Variants in CSPP1 observed in about 807,000 individuals in gnomAD.
The protein encoded by CSPP1 is centrosome and spindle pole associated protein 1.
Under a neutral mutation model 164.4 loss-of-function variants are expected in CSPP1, and 126 were observed. That is an observed-to-expected ratio of 0.77 (90% CI 0.66 to 0.89). CSPP1 has a LOEUF of 0.89. Among genes scored for constraint, CSPP1 ranks in the 40% least tolerant of loss-of-function variants. CSPP1 has a pLI of 0.00. For missense variants in CSPP1, 1,395 were observed against 1,449.8 expected, an observed-to-expected ratio of 0.96 and a Z score of 0.61; for synonymous variants, 472 against 476.7, an observed-to-expected ratio of 0.99 and a Z score of 0.13.
chr8:67,162,351 G>C (rs1191783168), intron 22 of CSPP1, among the ~76,000 whole-genome samples: 2 of 152,300 alleles, frequency 1.3e-5, no homozygotes, highest in Admixed American at 6.5e-5. Flanking sequence ...TCCATGGTGT[G>C]GTCTGGCCTG....
intron 3 of CSPP1, among the ~76,000 whole-genome samples, chr8:67,084,600 G>A (rs1490655439): frequency 6.6e-6 from 1 of 151,968 alleles, no homozygotes; most frequent in Non-Finnish European, 1.5e-5. Flanking sequence ...TTGGCCAGGC[G>A]TGGTGGTGCA....
intron 17 of CSPP1, among the ~76,000 whole-genome samples, chr8:67,148,305 G>A (rs1196619674): frequency 6.6e-6 from 1 of 152,144 alleles, no homozygotes; most frequent in Admixed American, 6.5e-5. Context: ...ATTGACATGT[G>A]TTTTAGGATA....
intron 16 of CSPP1, 87 bp downstream of exon 16, chr8:67,132,167 GA>G (rs1211731809): frequency 3.5e-5 from 44 of 1,268,338 alleles, no homozygotes; most frequent in South Asian, 6.8e-5. Flanking sequence ...CCGGGGAGGG[GA>G]AAAAAAACAG....
Position 67,137,514 on chromosome 8 carries a change from C to G in CSPP1, c.1886C>G (p.Ala629Gly). ...KEREEKEEYE[A>G]KLEAEMRTYN... ...CGTGAAGAAAAAGAAGAATATGAAG[C>G]TAAATTAGAAGCTGAAATGAGAACA... The change falls in exon 17 of 31, where the codon GCT becomes GGT. Residue 629 changes from alanine to glycine, a missense_variant. Coordinates refer to ENST00000678616, the MANE Select transcript of CSPP1 (RefSeq NM_001382391.1). 6.3e-7 allele frequency: 1 copy of G among 1,582,732 alleles called. No individual in the cohort carries two copies. The highest frequency in any genetic ancestry group is 2.3e-5 in the East Asian group (1 of 44,014).
intron 17 of CSPP1, among the ~76,000 whole-genome samples, chr8:67,141,950 C>T (rs1823600207): frequency 6.6e-6 from 1 of 152,172 alleles, no homozygotes; most frequent in East Asian, 1.9e-4. Flanking sequence ...TTTCTAATTA[C>T]TCCTGTTCTT....
At chr8:67,083,531 CAAA>C (rs1171275894) in intron 3 of CSPP1, among the ~76,000 whole-genome samples, 16 of 71,856 alleles carry the variant, frequency 2.2e-4, no homozygotes, top group African/African-American at 6.4e-4. Context: ...GACTTTGTCT[CAAA>C]AAAAAAAAAA....
chr8:67,091,663 T>C lies in CSPP1; in HGVS notation c.304-140T>C, dbSNP rs1327426881. 6 of 278,188 alleles carry C rather than the reference T, an allele frequency of 2.2e-5. No homozygotes were observed. In the East Asian group the frequency reaches 8.0e-4, roughly 37 times the overall value. The allele number at this position is 278,188 out of a possible 1,614,324, so 17.2% of individuals were successfully genotyped here. ...TGGTATGGTCTATATAGATTTGTAGTTTCTGTCTTCATTCCATTTCATTCA... is the reference window on the plus strand; with the variant it reads ...TGGTATGGTCTATATAGATTTGTAGCTTCTGTCTTCATTCCATTTCATTCA... On this transcript the variant is annotated intron_variant, in intron 4 of 30. Coordinates refer to ENST00000678616, the MANE Select transcript of CSPP1 (RefSeq NM_001382391.1).
At chr8:67,158,725 C>T in intron 20 of CSPP1, 129 bp downstream of exon 20, 2 of 1,198,826 alleles carry the variant, frequency 1.7e-6, no homozygotes, top group African/African-American at 1.5e-5. Context: ...GATCAATATA[C>T]ATTCTTTGGA....
chr8:67,095,527 G>A lies in CSPP1; in HGVS notation c.718G>A (p.Gly240Ser). The change falls in exon 7 of 31, where the codon GGC (glycine) becomes AGC (serine). Residue 240 changes from glycine to serine, a missense_variant. Transcript: ENST00000678616. The stretch of plus-strand genomic sequence containing the variant: ...TATTAAAAAAGCAAATGAAGAAGTG[G>A]GCATTTCCAACCTAAAACATCAAAG... ...RIIKKANEEV[G>S]ISNLKHQRFA... 2 of 1,613,502 alleles carry A rather than the reference G, an allele frequency of 1.2e-6. No individual in the cohort carries two copies. The highest frequency in any genetic ancestry group is 1.7e-4 in the Middle Eastern group (1 of 6,056).
rs988655476 is a variant in CSPP1, at chr8:67,064,422, C to T, written c.-127C>T. ...TCATGCTGTTCCCGCTCCAGGTGGC[C>T]GCTGTAACCTCTTCGGTCCGCGACG... On this transcript the variant is annotated 5_prime_UTR_variant, in exon 1 of 31. Transcript: ENST00000678616. The T allele has an allele frequency of 1.9e-6, 3 of 1,613,862 alleles. No individual in the cohort carries two copies. The highest frequency in any genetic ancestry group is 1.7e-5 in the Admixed American group (1 of 60,026).
In CSPP1 at chr8:67,195,645, A is replaced by G. The variant is rs1476244919; in HGVS notation, c.*52A>G. The stretch of plus-strand genomic sequence containing the variant: ...GCCTTTTAAGGTGAAAGGAATGGTA[A>G]ATCTGTACCTTTAATATGTCCTACT... On this transcript the variant is annotated 3_prime_UTR_variant, in exon 31 of 31. Coordinates refer to ENST00000678616, the MANE Select transcript of CSPP1 (RefSeq NM_001382391.1). 2.7e-6 allele frequency: 4 copies of G among 1,489,186 alleles called. No homozygotes were observed. Among genetic ancestry groups the G allele is most frequent in the East Asian group, 2.3e-5 (1 of 43,418 alleles). 92.2% of individuals were successfully genotyped at this position (1,489,186 alleles called of 1,614,324 possible).
Position 67,190,636 on chromosome 8 carries a change from C to T in CSPP1, c.3221-14C>T, listed in dbSNP as rs202201525. 6.9e-6 allele frequency: 11 copies of T among 1,596,486 alleles called. No individual in the cohort carries two copies. The highest frequency in any genetic ancestry group is 6.7e-5 in the Admixed American group (4 of 59,976). Reference sequence around the variant, plus strand: ...CAGTATTAAGACTCCTTCTGCTTTTCGGGGTCCTCTTAGGGGCTTACGGTG... The same window carrying T: ...CAGTATTAAGACTCCTTCTGCTTTTTGGGGTCCTCTTAGGGGCTTACGGTG... On this transcript the variant is annotated splice_polypyrimidine_tract_variant and intron_variant, in intron 28 of 30. Transcript: ENST00000678616.
At chr8:67,170,843 G>A (rs967239657) in intron 24 of CSPP1, among the ~76,000 whole-genome samples, 1 of 152,010 alleles carries the variant, frequency 6.6e-6, no homozygotes, top group Non-Finnish European at 1.5e-5. Flanking sequence ...CTGGAGTGCA[G>A]TTGCACTATC....
At chr8:67,168,829 A>C (rs1458271551) in intron 24 of CSPP1, among the ~76,000 whole-genome samples, 1 of 152,242 alleles carries the variant, frequency 6.6e-6, no homozygotes, top group Admixed American at 6.5e-5. Context: ...CCTACTTCCT[A>C]ACTTATCAGT....
At chr8:67,067,351 G>C (rs775244782) in intron 1 of CSPP1, among the ~76,000 whole-genome samples, 5 of 152,198 alleles carry the variant, frequency 3.3e-5, no homozygotes, top group Non-Finnish European at 7.3e-5. Context: ...AAGAGCCAAA[G>C]GTTAAGGTTT....
chr8:67,159,125 G>C lies in CSPP1; in HGVS notation c.2526G>C (p.Gly842=). Residue 842 remains glycine (G), a synonymous_variant, in exon 21 of 31, where the codon GGG becomes GGC. Transcript: ENST00000678616. ...QHYCERDNLI[G]EETKHMRQPS... ...ACTGTGAAAGAGACAATTTGATTGGGGAAGAAACAAAGGTAAGTTTCAGAC... is the reference window on the plus strand; with the variant it reads ...ACTGTGAAAGAGACAATTTGATTGGCGAAGAAACAAAGGTAAGTTTCAGAC... The C allele has an allele frequency of 6.3e-7, 1 of 1,597,080 alleles. No homozygotes were observed. The highest frequency in any genetic ancestry group is 8.5e-7 in the Non-Finnish European group (1 of 1,175,590).
intron 8 of CSPP1, among the ~76,000 whole-genome samples, chr8:67,104,266 T>TA (rs1814869296): frequency 1.3e-5 from 2 of 152,020 alleles, no homozygotes; most frequent in Non-Finnish European, 1.5e-5. Context: ...AAAGGTTTTT[T>TA]TTTTTTTTTC....
chr8:67,073,254 G>A (rs2129541123), intron 1 of CSPP1, among the ~76,000 whole-genome samples: 1 of 152,246 alleles, frequency 6.6e-6, no homozygotes, highest in South Asian at 2.1e-4. Flanking sequence ...TCACTAACAA[G>A]GGGCAGGTAA....
rs1828415038 is a variant in CSPP1 at position 67,161,815 on chromosome 8, T to C, written c.2543T>C (p.Met848Thr). The C allele has an allele frequency of 6.2e-7, 1 of 1,607,074 alleles. No homozygotes were observed. Among genetic ancestry groups the C allele is most frequent in the Non-Finnish European group, 8.5e-7 (1 of 1,174,618 alleles). Residue 848 changes from methionine (M) to threonine (T), a missense_variant, in exon 22 of 31, where the codon ATG becomes ACG. Met to Thr is a moderately conservative substitution (Grantham distance 81). Transcript: ENST00000678616. ...TAAATTTTTTAAATTTTTCAGCACATGAGACAGCCTTCTCCTATAGTTCCT... is the reference window on the plus strand; with the variant it reads ...TAAATTTTTTAAATTTTTCAGCACACGAGACAGCCTTCTCCTATAGTTCCT... ...DNLIGEETKH[M>T]RQPSPIVPAL...
Sources: gnomAD v4.1 joint callset for allele counts (sites outside exome capture counted in the v4.1 genomes callset) on GRCh38, gnomAD v4.1.1 for gene constraint, MANE v1.5 for transcripts, NCBI Gene and HGNC (gene_info 2026-07-23, HGNC 2026-07-21) for gene names.